Variants in ZNF765 observed in about 807,000 individuals in gnomAD.
ZNF765 encodes the protein zinc finger protein 765.
In ZNF765, 37 loss-of-function variants were observed where a neutral mutation model predicts 44.7. The ratio of observed to expected loss-of-function variants is 0.83; its 90% CI spans 0.64 to 1.09. ZNF765 has a LOEUF of 1.09. ZNF765 is among the 50% of genes least tolerant of loss of function. The pLI is 0.00. For missense variants in ZNF765, 594 were observed against 626.1 expected (o/e 0.95, Z 0.55); for synonymous variants, 201 against 213.7 (o/e 0.94, Z 0.52).
At chr19:53,405,225 G>A (rs376133630) in intron 3 of ZNF765, among the ~76,000 whole-genome samples, 36 of 152,112 alleles carry the variant, frequency 2.4e-4, no homozygotes, top group African/African-American at 7.7e-4. Flanking sequence ...GGTGGCGCAA[G>A]GCTGTTATCC....
downstream of ZNF765, among the ~76,000 whole-genome samples, chr19:53,415,921 T>G (rs1177633741): frequency 6.6e-6 from 1 of 150,966 alleles, no homozygotes; most frequent in Non-Finnish European, 1.5e-5. Flanking sequence ...CCCACCCAGA[T>G]AATCCAAGAT....
At chr19:53,422,982 G>A in intron 3 of ZNF765, 1 of 721,090 alleles carries the variant, frequency 1.4e-6, no homozygotes, top group Non-Finnish European at 2.5e-6. Flanking sequence ...CCCTAGAGGA[G>A]TCCCACAGAC....
At chr19:53,414,479 A>C (rs1568786034), downstream of ZNF765, among the ~76,000 whole-genome samples, 13 of 1,674 alleles carry the variant, frequency 7.8e-3, 1 homozygote, top group African/African-American at 0.02. Flanking sequence ...ACACACACAC[A>C]CACACACACA....
intron 3 of ZNF765, among the ~76,000 whole-genome samples, chr19:53,405,948 T>TATAA (rs1466988366): frequency 1.2e-4 from 15 of 123,586 alleles, no homozygotes; most frequent in Non-Finnish European, 1.9e-4. Flanking sequence ...TATATATATA[T>TATAA]ATAAAATTGC....
intron 3 of ZNF765, among the ~76,000 whole-genome samples, chr19:53,418,769 G>A (rs536764478): frequency 5.3e-5 from 8 of 152,122 alleles, no homozygotes; most frequent in African/African-American, 9.6e-5. Flanking sequence ...GCCGGGCTTA[G>A]TGGTGGGCCC....
Position 53,410,063 on chromosome 19 carries a change from C to A in ZNF765, c.*936C>A. 1 of 458,036 alleles carries A rather than the reference C, an allele frequency of 2.2e-6. No individual in the cohort carries two copies. The highest frequency in any genetic ancestry group is 1.6e-5 in the South Asian group (1 of 60,902). 28.4% of individuals were successfully genotyped at this position (458,036 alleles called of 1,614,324 possible). ...AGACATCCTTCATACCTTTGCAGTT[C>A]ATGGGTGAAGTCGTATTAGAAACCT... On this transcript the variant is annotated 3_prime_UTR_variant, in exon 4 of 4. Coordinates refer to ENST00000396408, the MANE Select transcript of ZNF765 (RefSeq NM_001040185.3).
At chr19:53,423,187 T>G (rs776370501) in exon 4 of ZNF765, 141 of 699,382 alleles carry the variant, frequency 2.0e-4, no homozygotes, top group Non-Finnish European at 3.6e-4. Flanking sequence ...CTGGCTCCTG[T>G]GTGTTCCTCA....
At chr19:53,412,206 A>G (rs918867582), downstream of ZNF765, among the ~76,000 whole-genome samples, 2 of 152,096 alleles carry the variant, frequency 1.3e-5, no homozygotes, top group East Asian at 3.9e-4. Flanking sequence ...TTTCCTTTCT[A>G]TCTATTTTGT....
At chr19:53,413,804 A>G (rs367878320), downstream of ZNF765, among the ~76,000 whole-genome samples, 4 of 151,678 alleles carry the variant, frequency 2.6e-5, no homozygotes, top group African/African-American at 9.7e-5. Context: ...GTGTCAAAGC[A>G]TTATGTCTGT....
At chr19:53,400,136 TCTC>T (rs2085708962) in intron 2 of ZNF765, among the ~76,000 whole-genome samples, 2 of 152,232 alleles carry the variant, frequency 1.3e-5, no homozygotes, top group South Asian at 4.1e-4. Flanking sequence ...TTTCTAGTCT[TCTC>T]CTTCCTCCCA....
intron 3 of ZNF765, 33 bp from the exon 4 acceptor site, chr19:53,407,665 A>T (rs748820586): frequency 3.4e-6 from 5 of 1,464,132 alleles, no homozygotes. Context: ...ATCTGTACTT[A>T]ATTTGAAACC....
At chr19:53,421,065 A>G (rs563562480) in intron 3 of ZNF765, among the ~76,000 whole-genome samples, 1 of 152,268 alleles carries the variant, frequency 6.6e-6, no homozygotes, top group African/African-American at 2.4e-5. Flanking sequence ...ACCTGGTTGT[A>G]TGTTCTATTT....
chr19:53,423,300 G>A, exon 4 of ZNF765: 1 of 651,484 alleles, frequency 1.5e-6, no homozygotes, highest in Non-Finnish European at 2.8e-6. Context: ...CTGTTCTGCT[G>A]CTGATCACGA....
rs2085788902 is a variant in ZNF765 at position 53,407,741 on chromosome 19, A to G, written c.186A>G (p.Ala62=). The G allele has an allele frequency of 1.9e-6, 3 of 1,587,714 alleles. No homozygotes were observed. Among genetic ancestry groups the G allele is most frequent in the Non-Finnish European group, 2.6e-6 (3 of 1,168,458 alleles). The part of the protein sequence containing the change: ...KCMMKEFSST[A]QGNREVFHAG... The stretch of plus-strand genomic sequence containing the variant: ...TGATGAAGGAGTTCTCGTCAACAGC[A>G]CAAGGCAATAGAGAAGTGTTCCATG... The change falls in exon 4 of 4, where the codon GCA becomes GCG. Residue 62 remains alanine (A), a synonymous_variant. Transcript: ENST00000396408.
chr19:53,415,422 T>A (rs183675462), downstream of ZNF765, among the ~76,000 whole-genome samples: 9 of 152,346 alleles, frequency 5.9e-5, no homozygotes, highest in East Asian at 1.5e-3. Flanking sequence ...ATATATGTTG[T>A]ATGTGATTTC....
chr19:53,412,979 A>C (rs1173172175), downstream of ZNF765, among the ~76,000 whole-genome samples: 1 of 152,214 alleles, frequency 6.6e-6, no homozygotes, highest in Non-Finnish European at 1.5e-5. Context: ...GTATGGTGGC[A>C]GATGCCAGTA....
At chr19:53,426,692 G>A (rs62117309) in exon 4 of ZNF765, 3,812 of 144,050 alleles carry the variant, frequency 0.026, 74 homozygotes, top group East Asian at 0.078. Context: ...CTGTGCATGC[G>A]AGGGATCTGG....
At chr19:53,405,064 G>T (rs1306309926) in intron 3 of ZNF765, among the ~76,000 whole-genome samples, 1 of 151,922 alleles carries the variant, frequency 6.6e-6, no homozygotes, top group Non-Finnish European at 1.5e-5. Flanking sequence ...CTAAATACAA[G>T]AATTTGGCCG....
At chr19:53,418,967 T>G (rs2085891816) in intron 3 of ZNF765, among the ~76,000 whole-genome samples, 1 of 148,270 alleles carries the variant, frequency 6.7e-6, no homozygotes. Flanking sequence ...AAAGCGAATC[T>G]TAGGGGTTTG....
Sources: gnomAD v4.1 joint callset for allele counts (sites outside exome capture counted in the v4.1 genomes callset) on GRCh38, gnomAD v4.1.1 for gene constraint, MANE v1.5 for transcripts, NCBI Gene and HGNC (gene_info 2026-07-23, HGNC 2026-07-21) for gene names.